Variants in XPOT observed in about 807,000 individuals in gnomAD.
The protein encoded by XPOT is exportin for tRNA, also known as exportin-T.
A neutral mutation model predicts 128.2 loss-of-function variants in XPOT; 34 were observed. That is an observed-to-expected ratio of 0.27 (90% CI 0.20 to 0.35). XPOT has a LOEUF of 0.35. Among genes scored for constraint, XPOT ranks in the 10% least tolerant of loss-of-function variants. XPOT has a pLI of 1.00. For synonymous variants in XPOT, 348 were observed against 394.3 expected (o/e 0.88, Z 1.39); for missense variants, 838 against 1,125.3 (o/e 0.74, Z 3.65).
intron 23 of XPOT, among the ~76,000 whole-genome samples, chr12:64,440,051 A>T (rs2040312507): frequency 6.6e-6 from 1 of 152,236 alleles, no homozygotes; most frequent in Non-Finnish European, 1.5e-5. Flanking sequence ...TGATGTGCCT[A>T]TAAAATATAG....
At chr12:64,435,376 A>G (rs2040274117) in intron 21 of XPOT, among the ~76,000 whole-genome samples, 1 of 152,244 alleles carries the variant, frequency 6.6e-6, no homozygotes, top group African/African-American at 2.4e-5. Flanking sequence ...GGTAAAAGCT[A>G]GATTTCATAA....
chr12:64,435,543 G>T, intron 21 of XPOT, 84 bp from the exon 22 acceptor site: 1 of 1,074,272 alleles, frequency 9.3e-7, no homozygotes, highest in Non-Finnish European at 1.3e-6. Context: ...AATTTCCCTG[G>T]CAGTGGCCAG....
At chr12:64,444,931 C>T (rs997763684) in intron 23 of XPOT, 144 bp from the exon 24 acceptor site, 4 of 533,232 alleles carry the variant, frequency 7.5e-6, no homozygotes, top group Non-Finnish European at 9.5e-6. Flanking sequence ...TATGATCACA[C>T]CACTGTACTC....
chr12:64,420,007 A>G, intron 6 of XPOT, 63 bp from the exon 7 acceptor site: 1 of 1,443,700 alleles, frequency 6.9e-7, no homozygotes, highest in Admixed American at 2.5e-5. Context: ...CTGCAAGTAT[A>G]TTCAGATATC....
intron 15 of XPOT, among the ~76,000 whole-genome samples, chr12:64,426,775 G>A (rs919914920): frequency 6.6e-6 from 1 of 152,172 alleles, no homozygotes; most frequent in African/African-American, 2.4e-5. Context: ...CTAAGATCAG[G>A]AGTTTGAGAC....
In XPOT at chr12:64,407,732, C is replaced by T. The variant is rs190902592; in HGVS notation, c.-74-2230C>T. ...CACTGGAGAACTGCCATATGGTTCACTAGCACTGGCCTTGCTGACCTGGTG... is the reference window on the plus strand; with the variant it reads ...CACTGGAGAACTGCCATATGGTTCATTAGCACTGGCCTTGCTGACCTGGTG... On this transcript the variant is annotated intron_variant, in intron 1 of 24. Coordinates refer to ENST00000332707, the MANE Select transcript of XPOT (RefSeq NM_007235.6). 2.0e-3 allele frequency among the ~76,000 whole-genome samples: 299 copies of T among 152,334 alleles called. 1 individual carries two copies. The highest frequency in any genetic ancestry group is 7.0e-3 in the African/African-American group (291 of 41,568).
At chr12:64,427,737 C>T (rs1357469088) in intron 15 of XPOT, among the ~76,000 whole-genome samples, 1 of 152,154 alleles carries the variant, frequency 6.6e-6, no homozygotes, top group Non-Finnish European at 1.5e-5. Flanking sequence ...AGTCTTCCCA[C>T]CTCGGCCTCC....
chr12:64,408,672 T>TG lies in XPOT; in HGVS notation c.-74-1290_-74-1289insG, dbSNP rs553618798. Among the ~76,000 whole-genome samples the TG allele has an allele frequency of 4.2e-3, 637 of 151,956 alleles. 12 individuals carry two copies. Among genetic ancestry groups the TG allele is most frequent in the East Asian group, 0.024 (125 of 5,150 alleles). On this transcript the variant is annotated intron_variant, in intron 1 of 24. Transcript: ENST00000332707. ...TGTTAAGTCATTTGTGGATTTTTTT[T>TG]TGTGTGTTTTGTTTTTTTTGAGATG...
intron 3 of XPOT, among the ~76,000 whole-genome samples, chr12:64,415,759 C>T (rs2040082211): frequency 6.6e-6 from 1 of 152,180 alleles, no homozygotes; most frequent in Admixed American, 6.6e-5. Context: ...CAGTCTTTAT[C>T]TTTGTATACT....
intron 1 of XPOT, among the ~76,000 whole-genome samples, chr12:64,407,697 G>A (rs960255072): frequency 3.9e-5 from 6 of 152,154 alleles, no homozygotes; most frequent in Admixed American, 3.3e-4. Flanking sequence ...AAAGATGAAA[G>A]GTAGAATACC....
intron 1 of XPOT, among the ~76,000 whole-genome samples, chr12:64,408,976 T>G (rs1050320778): frequency 2.0e-5 from 3 of 151,990 alleles, no homozygotes; most frequent in African/African-American, 7.3e-5. Flanking sequence ...GCTGGCTGGT[T>G]TGTGGGTTTT....
intron 23 of XPOT, among the ~76,000 whole-genome samples, chr12:64,440,373 A>G (rs2040315297): frequency 6.6e-6 from 1 of 152,206 alleles, no homozygotes; most frequent in Admixed American, 6.5e-5. Context: ...TAATCCACTG[A>G]TAGATTCATT....
intron 1 of XPOT, among the ~76,000 whole-genome samples, chr12:64,408,276 AT>A (rs1433368415): frequency 1.4e-4 from 21 of 151,812 alleles, no homozygotes; most frequent in African/African-American, 4.6e-4. Context: ...TGCTCCACTA[AT>A]TTTTTTGTAT....
chr12:64,423,398 A>G (rs1039029880), intron 11 of XPOT, among the ~76,000 whole-genome samples, 154 bp downstream of exon 11: 1 of 152,124 alleles, frequency 6.6e-6, no homozygotes, highest in African/African-American at 2.4e-5. Flanking sequence ...GGTGAAATTA[A>G]TAGAAGCCTC....
At chr12:64,445,031 C>G in intron 23 of XPOT, 44 bp from the exon 24 acceptor site, 1 of 1,440,338 alleles carries the variant, frequency 6.9e-7, no homozygotes, top group Non-Finnish European at 9.5e-7. Flanking sequence ...GGATTTAATA[C>G]AAATACATTT....
chr12:64,445,877 G>T (rs995910239), intron 24 of XPOT, among the ~76,000 whole-genome samples: 1 of 152,180 alleles, frequency 6.6e-6, no homozygotes, highest in South Asian at 2.1e-4. Context: ...GTAACTTAGT[G>T]TATCACCTGG....
intron 2 of XPOT, among the ~76,000 whole-genome samples, chr12:64,412,715 A>G (rs938336173): frequency 1.3e-5 from 2 of 152,150 alleles, no homozygotes; most frequent in African/African-American, 4.8e-5. Flanking sequence ...TTCTGACACT[A>G]CCAGGATTAG....
chr12:64,433,326 A>G, intron 18 of XPOT, 88 bp from the exon 19 acceptor site: 2 of 1,298,536 alleles, frequency 1.5e-6, no homozygotes, highest in Non-Finnish European at 2.1e-6. Flanking sequence ...TCCTAAATAG[A>G]AAAGAAAGGC....
At position 64,423,249 on chromosome 12, in the gene XPOT, G is replaced by A. The variant is rs776886725; in HGVS notation, c.1182+5G>A. ...GAATATAACTTTGAAAATGAGGTAA[G>A]AATTTTTTTTTGTTGAGGAGAAAGG... On this transcript the variant is annotated splice_donor_5th_base_variant and intron_variant, in intron 11 of 24. Coordinates refer to ENST00000332707, the MANE Select transcript of XPOT (RefSeq NM_007235.6). 12 of 1,558,832 alleles carry A rather than the reference G, an allele frequency of 7.7e-6. No homozygotes were observed. The Admixed American group carries it at 2.1e-4, about 27-fold the overall frequency.
Sources: gnomAD v4.1 joint callset for allele counts (sites outside exome capture counted in the v4.1 genomes callset) on GRCh38, gnomAD v4.1.1 for gene constraint, MANE v1.5 for transcripts, NCBI Gene and HGNC (gene_info 2026-07-23, HGNC 2026-07-21) for gene names.